TMC2: variants seen among roughly 807,000 people sequenced by gnomAD.
TMC2 encodes transmembrane channel-like protein 2.
TMC2 carries 102 observed loss-of-function variants against 105.9 expected under a neutral mutation model. The observed-to-expected ratio is 0.96, with a 90% CI of 0.82 to 1.14. The LOEUF is 1.14. TMC2 is among the 50% of genes most tolerant of loss of function. The pLI, the probability that TMC2 is intolerant of heterozygous loss-of-function variation, is 0.00. For missense variants in TMC2, 1,093 were observed against 1,134.3 expected, an observed-to-expected ratio of 0.96 and a Z score of 0.52; for synonymous variants, 402 against 422.8, an observed-to-expected ratio of 0.95 and a Z score of 0.60.
chr20:2,538,243 G>T (rs1323073424), intron 2 of TMC2, among the ~76,000 whole-genome samples: 1 of 152,146 alleles, frequency 6.6e-6, no homozygotes, highest in Non-Finnish European at 1.5e-5. Context: ...GGAGCAGGAG[G>T]CAAGGAAGAG....
At chr20:2,553,132 C>G (rs986188063) in intron 2 of TMC2, among the ~76,000 whole-genome samples, 2 of 152,200 alleles carry the variant, frequency 1.3e-5, no homozygotes, top group African/African-American at 4.8e-5. Flanking sequence ...ACTTCCAACA[C>G]AGTGCTGAAC....
chr20:2,588,430 G>C (rs1415811135), intron 7 of TMC2, among the ~76,000 whole-genome samples: 2 of 152,184 alleles, frequency 1.3e-5, no homozygotes, highest in Non-Finnish European at 2.9e-5. Context: ...GCCACACCAT[G>C]CTAGACTGCT....
intron 2 of TMC2, among the ~76,000 whole-genome samples, chr20:2,550,595 G>A (rs1242759627): frequency 6.6e-6 from 1 of 152,056 alleles, no homozygotes; most frequent in Non-Finnish European, 1.5e-5. Flanking sequence ...GTATGACACA[G>A]AATAATATGC....
intron 17 of TMC2, among the ~76,000 whole-genome samples, chr20:2,625,272 A>C (rs2086556101): frequency 6.6e-6 from 1 of 152,212 alleles, no homozygotes. Flanking sequence ...AACCATGTAC[A>C]CGATCACAAG....
intron 7 of TMC2, among the ~76,000 whole-genome samples, chr20:2,583,765 T>C (rs2086211986): frequency 1.3e-5 from 2 of 152,166 alleles, no homozygotes; most frequent in South Asian, 4.2e-4. Flanking sequence ...CAGCCTCACA[T>C]AAGCACATTT....
intron 4 of TMC2, among the ~76,000 whole-genome samples, chr20:2,564,462 T>C (rs1477607700): frequency 1.3e-5 from 2 of 152,200 alleles, no homozygotes; most frequent in Non-Finnish European, 2.9e-5. Context: ...CAGCCTCCTC[T>C]TTTTGAATCC....
At position 2,641,120 on chromosome 20, in the gene TMC2, G is replaced by C. The variant is rs111586863; in HGVS notation, c.2504-14G>C. On this transcript the variant is annotated splice_polypyrimidine_tract_variant and intron_variant, in intron 19 of 19. Transcript: ENST00000358864. Reference sequence around the variant, plus strand: ...TCTCCCACTTCCTCTTTCTTGTCTTGGTTCGTTTTCCAGAGACCACTCCTC... The same window carrying C: ...TCTCCCACTTCCTCTTTCTTGTCTTCGTTCGTTTTCCAGAGACCACTCCTC... 96 of 1,611,816 alleles carry C rather than the reference G, an allele frequency of 6.0e-5. No individual in the cohort carries two copies. In the African/African-American group the frequency reaches 9.1e-4, roughly 15 times the overall value.
At chr20:2,552,953 C>T (rs2085965574) in intron 2 of TMC2, among the ~76,000 whole-genome samples, 2 of 152,092 alleles carry the variant, frequency 1.3e-5, no homozygotes, top group Admixed American at 1.3e-4. Context: ...TACAAAATGG[C>T]TTATTGGTTC....
chr20:2,623,300 G>A (rs1423465773), intron 16 of TMC2, among the ~76,000 whole-genome samples: 1 of 152,070 alleles, frequency 6.6e-6, no homozygotes, highest in Non-Finnish European at 1.5e-5. Flanking sequence ...CACTTTGGGA[G>A]GCTGAGGTGG....
In TMC2 at chr20:2,592,387, T is replaced by C. The variant is rs759423889; in HGVS notation, c.912T>C (p.Phe304=). ...PRAEEEKAMD[F]SVLWDFEGYI... is the part of the protein sequence containing the mutation. ...CTGAGGAAGAAAAGGCCATGGATTTTTCTGTCCTTTGGGATTTTGAGGTAC... is the reference window on the plus strand; with the variant it reads ...CTGAGGAAGAAAAGGCCATGGATTTCTCTGTCCTTTGGGATTTTGAGGTAC... The change falls in exon 8 of 20, where the codon TTT becomes TTC. Residue 304 remains phenylalanine (F), a synonymous_variant. Transcript: ENST00000358864. The surrounding 1 kb of genome is among the most constrained non-coding windows in gnomAD (Gnocchi z 4.9). 4 of 1,613,916 alleles carry C rather than the reference T, an allele frequency of 2.5e-6. No individual in the cohort carries two copies. The South Asian group carries it at 3.3e-5, about 13-fold the overall frequency.
intron 2 of TMC2, among the ~76,000 whole-genome samples, chr20:2,557,447 C>T (rs2085991704): frequency 1.3e-5 from 2 of 152,154 alleles, no homozygotes; most frequent in Admixed American, 1.3e-4. Context: ...GAGTTTCAAT[C>T]TCTTTGATTA....
At position 2,536,651 on chromosome 20, in the gene TMC2, G is replaced by A. The variant is rs1418687730; in HGVS notation, c.30G>A (p.Glu10=). The A allele has an allele frequency of 1.3e-6, 2 of 1,575,298 alleles. No homozygotes were observed. The highest frequency in any genetic ancestry group is 8.6e-7 in the Non-Finnish European group (1 of 1,160,410). The change falls in exon 1 of 20, where the codon GAG becomes GAA. Residue 10 remains glutamate, a synonymous_variant. Coordinates refer to ENST00000358864, the MANE Select transcript of TMC2 (RefSeq NM_080751.3). The stretch of plus-strand genomic sequence containing the variant: ...GCCACCAGGTAAAGGGCCTGAAAGA[G>A]GAAGGTGAGTCCACGTCCTGATCCT... MSHQVKGLK[E]EARGGVKGRV...
intron 11 of TMC2, among the ~76,000 whole-genome samples, chr20:2,605,498 G>A (rs543344260): frequency 6.6e-6 from 1 of 152,128 alleles, no homozygotes; most frequent in South Asian, 2.1e-4. Flanking sequence ...GAGATCTCTG[G>A]TATCTTTTCC....
rs59961414 is a variant in TMC2, at chr20:2,588,012, TCC to T, written c.835-4289_835-4288del. Among the ~76,000 whole-genome samples, 579 of 144,470 alleles carry T rather than the reference TCC, an allele frequency of 4.0e-3. 2 individuals carry two copies. Among genetic ancestry groups the T allele is most frequent in the African/African-American group, 0.014 (538 of 39,286 alleles). 94.8% of individuals were successfully genotyped at this position (144,470 alleles called of 152,430 possible). A position where few individuals can be genotyped will look rare whatever the true frequency, so the allele number is the denominator to read the frequency against. On this transcript the variant is annotated intron_variant, in intron 7 of 19. Coordinates refer to ENST00000358864, the MANE Select transcript of TMC2 (RefSeq NM_080751.3). ...CTAAATGACCCTCAATCTTGTATAA[TCC>T]CCCCCCCCTTTGAGTATGGACAGAA...
chr20:2,634,730 A>G (rs2086629236), intron 17 of TMC2, among the ~76,000 whole-genome samples: 1 of 152,196 alleles, frequency 6.6e-6, no homozygotes, highest in Admixed American at 6.5e-5. Context: ...CCTCCCTTAA[A>G]AAAATGGGCT....
At chr20:2,580,463 A>G (rs2086181377) in intron 7 of TMC2, among the ~76,000 whole-genome samples, 1 of 152,150 alleles carries the variant, frequency 6.6e-6, no homozygotes, top group African/African-American at 2.4e-5. Context: ...TAATGTTTCA[A>G]TGAGTTTTTT....
intron 4 of TMC2, among the ~76,000 whole-genome samples, chr20:2,569,944 A>G (rs1366542329): frequency 6.6e-6 from 1 of 152,232 alleles, no homozygotes; most frequent in Non-Finnish European, 1.5e-5. Context: ...CCTTCATGAT[A>G]AAAGCCTCCA....
rs184967355 is a variant in TMC2, at chr20:2,598,445, C to T, written c.1224+1147C>T. Among the ~76,000 whole-genome samples the T allele has an allele frequency of 2.7e-4, 41 of 150,668 alleles. No homozygotes were observed. The East Asian group carries it at 7.5e-3, about 28-fold the overall frequency. Reference sequence around the variant, plus strand: ...TTATTTATTTATTGAGACAGAGTGTCGCTCTGTCACCCAGGGTGGAGTGTA... The same window carrying T: ...TTATTTATTTATTGAGACAGAGTGTTGCTCTGTCACCCAGGGTGGAGTGTA... On this transcript the variant is annotated intron_variant, in intron 10 of 19. Transcript: ENST00000358864.
In TMC2 at chr20:2,572,653, C is replaced by G. The variant is rs138695664; in HGVS notation, c.645+384C>G. On this transcript the variant is annotated intron_variant, in intron 5 of 19. Coordinates refer to ENST00000358864, the MANE Select transcript of TMC2 (RefSeq NM_080751.3). ...GATGATAAACAGCGATGTCCCCAGA[C>G]GGATGGGGGCAGCTCTGTTTTGTTG... Among the ~76,000 whole-genome samples, 565 of 152,224 alleles carry G rather than the reference C, an allele frequency of 3.7e-3. 5 individuals are homozygous for G. Among genetic ancestry groups the G allele is most frequent in the African/African-American group, 0.013 (526 of 41,532 alleles).
Sources: allele counts gnomAD v4.1 joint callset (sites outside exome capture counted in the v4.1 genomes callset), GRCh38; gene constraint gnomAD v4.1.1; non-coding constraint Gnocchi (gnomAD v3.1); transcripts MANE v1.5; gene names NCBI Gene and HGNC (gene_info 2026-07-23, HGNC 2026-07-21).